The following TMEM236 variants were observed in gnomAD, a reference collection of about 807,000 sequenced individuals.
TMEM236 encodes transmembrane protein 236.
A neutral mutation model predicts 14.7 loss-of-function variants in TMEM236; 11 were observed. That is an observed-to-expected ratio of 0.75 (90% CI 0.47 to 1.24). The LOEUF (loss-of-function observed/expected upper bound fraction) is 1.24, where lower values mean the gene tolerates loss of function less well. TMEM236 is among the 50% of genes most tolerant of loss of function. The pLI is 0.00. For missense variants in TMEM236, 464 were observed against 427.3 expected (o/e 1.09, Z -0.76); for synonymous variants, 182 against 168.6 (o/e 1.08, Z -0.62).
intron 1 of TMEM236, among the ~76,000 whole-genome samples, chr10:17,767,753 A>T (rs1837492123): frequency 6.6e-6 from 1 of 152,168 alleles, no homozygotes; most frequent in Non-Finnish European, 1.5e-5. Flanking sequence ...TATTAGCAGG[A>T]CCTGTAACTT....
intron 3 of TMEM236, among the ~76,000 whole-genome samples, chr10:17,778,711 C>G (rs1279360500): frequency 1.8e-4 from 28 of 152,310 alleles, no homozygotes; most frequent in African/African-American, 6.7e-4. Flanking sequence ...CTAGATGAAA[C>G]CAACATAATC....
At chr10:17,784,382 T>C (rs1837800921) in intron 3 of TMEM236, among the ~76,000 whole-genome samples, 1 of 152,186 alleles carries the variant, frequency 6.6e-6, no homozygotes, top group African/African-American at 2.4e-5. Flanking sequence ...AAGCACTTAA[T>C]AGAGTGCTTT....
intron 1 of TMEM236, among the ~76,000 whole-genome samples, chr10:17,767,464 A>AAT (rs1487077410): frequency 5.3e-5 from 8 of 151,848 alleles, no homozygotes; most frequent in Non-Finnish European, 1.0e-4. Flanking sequence ...CATCTCAAAA[A>AAT]ATATATATAT....
chr10:17,761,103 C>A (rs1399050127), intron 1 of TMEM236, among the ~76,000 whole-genome samples: 1 of 152,188 alleles, frequency 6.6e-6, no homozygotes, highest in Non-Finnish European at 1.5e-5. Context: ...CTCTTCCTCT[C>A]TCTTGCATCA....
At chr10:17,767,062 G>A (rs1340313343) in intron 1 of TMEM236, among the ~76,000 whole-genome samples, 9 of 152,174 alleles carry the variant, frequency 5.9e-5, no homozygotes, top group African/African-American at 2.2e-4. Flanking sequence ...GATTATCTCT[G>A]TAAAGATCTT....
intron 3 of TMEM236, among the ~76,000 whole-genome samples, chr10:17,792,770 A>G (rs1258071463): frequency 6.6e-6 from 1 of 152,210 alleles, no homozygotes; most frequent in Non-Finnish European, 1.5e-5. Context: ...TTATGCTTAT[A>G]TCTTCTATAG....
intron 1 of TMEM236, among the ~76,000 whole-genome samples, chr10:17,764,422 CCTA>C (rs1407440008): frequency 1.3e-5 from 2 of 152,158 alleles, no homozygotes; most frequent in African/African-American, 2.4e-5. Context: ...TTTAGCCAAT[CCTA>C]CTGTGGTCGC....
intron 1 of TMEM236, among the ~76,000 whole-genome samples, chr10:17,760,918 C>A (rs1243081888): frequency 6.6e-6 from 1 of 152,178 alleles, no homozygotes; most frequent in Non-Finnish European, 1.5e-5. Flanking sequence ...TATTCAATTA[C>A]CTCCCACCAG....
chr10:17,772,935 A>C (rs1837597618), intron 2 of TMEM236, among the ~76,000 whole-genome samples: 1 of 152,156 alleles, frequency 6.6e-6, no homozygotes. Flanking sequence ...GGAGAAATCA[A>C]ATGATGTCTG....
chr10:17,762,616 T>TATATATATATAC (rs1554834058), intron 1 of TMEM236, among the ~76,000 whole-genome samples: 3 of 54,220 alleles, frequency 5.5e-5, no homozygotes, highest in East Asian at 7.0e-4. Flanking sequence ...TATATATATA[T>TATATATATATAC]ATACACACAT....
chr10:17,791,856 T>C (rs2131766871), intron 3 of TMEM236, among the ~76,000 whole-genome samples: 2 of 152,322 alleles, frequency 1.3e-5, no homozygotes, highest in South Asian at 4.1e-4. Context: ...TTATTCTATA[T>C]TTATTGGTGT....
chr10:17,758,476 C>A (rs1434533806), intron 1 of TMEM236, among the ~76,000 whole-genome samples: 4 of 152,106 alleles, frequency 2.6e-5, no homozygotes, highest in Non-Finnish European at 5.9e-5. Context: ...ACCATGAAAC[C>A]TTATGTGAGT....
intron 1 of TMEM236, among the ~76,000 whole-genome samples, chr10:17,763,250 G>C (rs1837405689): frequency 6.6e-6 from 1 of 152,008 alleles, no homozygotes; most frequent in African/African-American, 2.4e-5. Flanking sequence ...GCAGGAGTTT[G>C]AGACCACCCT....
At chr10:17,762,616 T>TATATATACATAC (rs1554834058) in intron 1 of TMEM236, among the ~76,000 whole-genome samples, 1 of 54,220 alleles carries the variant, frequency 1.8e-5, no homozygotes, top group Non-Finnish European at 3.5e-5. Context: ...TATATATATA[T>TATATATACATAC]ATACACACAT....
chr10:17,754,081 T>C (rs1003873509), intron 1 of TMEM236, among the ~76,000 whole-genome samples: 2 of 152,204 alleles, frequency 1.3e-5, no homozygotes, highest in African/African-American at 4.8e-5. Flanking sequence ...TTTGTGCCAG[T>C]TCATGCTATT....
At chr10:17,781,951 C>T (rs2131758098) in intron 3 of TMEM236, among the ~76,000 whole-genome samples, 1 of 152,194 alleles carries the variant, frequency 6.6e-6, no homozygotes, top group Admixed American at 6.5e-5. Flanking sequence ...CTTCATTCAG[C>T]ATTGTAACCG....
rs1243097783 is a variant in TMEM236 at position 17,793,158 on chromosome 10, A to T, written c.473-2763A>T. 2.0e-5 allele frequency among the ~76,000 whole-genome samples: 3 copies of T among 152,344 alleles called. No homozygotes were observed. In the East Asian group the frequency reaches 5.8e-4, roughly 29 times the overall value. On this transcript the variant is annotated intron_variant, in intron 3 of 3. Transcript: ENST00000377495. The stretch of plus-strand genomic sequence containing the variant: ...TCACAGACCTAATCTCACCACATAC[A>T]CATGTATCTCATTAAAACCAAACTC...
rs142466279 is a variant in TMEM236, at chr10:17,796,654, G to GTT, written c.*160_*161dup. 0.026 allele frequency: 14,279 copies of GTT among 551,202 alleles called. 74 individuals carry two copies. The highest frequency in any genetic ancestry group is 0.066 in the African/African-American group (3,404 of 51,484). 34.1% of individuals were successfully genotyped at this position (551,202 alleles called of 1,614,324 possible). A position where few individuals can be genotyped will look rare whatever the true frequency, so the allele number is the denominator to read the frequency against. ...CATTTTTACTAACTCTAGCATATCA[G>GTT]TTTTTTTTTTTACATATACAAATGG... is the stretch of plus-strand genomic sequence containing the variant. On this transcript the variant is annotated 3_prime_UTR_variant, in exon 4 of 4. Transcript: ENST00000377495.
chr10:17,781,151 A>G (rs1837740861), intron 3 of TMEM236, among the ~76,000 whole-genome samples: 1 of 152,150 alleles, frequency 6.6e-6, no homozygotes, highest in African/African-American at 2.4e-5. Context: ...TCACCTGTAC[A>G]CGCTTCCAGC....
Sources: allele counts gnomAD v4.1 joint callset (sites outside exome capture counted in the v4.1 genomes callset), GRCh38; gene constraint gnomAD v4.1.1; transcripts MANE v1.5; gene names NCBI Gene and HGNC (gene_info 2026-07-23, HGNC 2026-07-21).